WDR3: variants seen among roughly 807,000 people sequenced by gnomAD.
The protein encoded by WDR3 is WD repeat-containing protein 3.
WDR3 carries 81 observed loss-of-function variants against 123.7 expected under a neutral mutation model. The ratio of observed to expected loss-of-function variants is 0.65; its 90% CI spans 0.55 to 0.79. The LOEUF (loss-of-function observed/expected upper bound fraction) is 0.79, where lower values mean the gene tolerates loss of function less well. WDR3 is among the 30% of genes least tolerant of loss of function. The pLI is 0.00. For missense variants in WDR3, 1,027 were observed against 1,123.2 expected, an observed-to-expected ratio of 0.91 and a Z score of 1.22; for synonymous variants, 390 against 388.8, an observed-to-expected ratio of 1.00 and a Z score of -0.04.
At chr1:117,941,975 G>T (rs1651188035) in intron 9 of WDR3, 128 bp downstream of exon 9, 1 of 1,396,610 alleles carries the variant, frequency 7.2e-7, no homozygotes, top group East Asian at 2.7e-5. Context: ...GAACTTGTGA[G>T]GTATCGATAA....
At chr1:117,934,215 G>A (rs1284633812) in intron 2 of WDR3, among the ~76,000 whole-genome samples, 6 of 152,136 alleles carry the variant, frequency 3.9e-5, no homozygotes. Context: ...TATTGCCTAG[G>A]GAGTTTTTAT....
intron 14 of WDR3, 49 bp from the exon 15 acceptor site, chr1:117,949,946 T>C (rs747749552): frequency 6.2e-7 from 1 of 1,612,554 alleles, no homozygotes; most frequent in Admixed American, 1.7e-5. Flanking sequence ...AGGATTTGTC[T>C]GAATTTGTAT....
At chr1:117,957,327 A>AAAGTGCTGGGATTAC in intron 25 of WDR3, 131 bp downstream of exon 25, 2 of 1,200,970 alleles carry the variant, frequency 1.7e-6, no homozygotes, top group Non-Finnish European at 2.2e-6. Context: ...CCGTAATCCC[A>AAAGTGCTGGGATTAC]GCACTTTGGG....
In WDR3 at chr1:117,933,376, C is replaced by T. The variant is rs1650802363; in HGVS notation, c.57C>T (p.Ile19=). 1.9e-6 allele frequency: 3 copies of T among 1,613,998 alleles called. No homozygotes were observed. Among genetic ancestry groups the T allele is most frequent in the African/African-American group, 2.7e-5 (2 of 74,902 alleles). ...RYVASAVFGV[I]GSQKGNIVFV... ...TTGCTAGTGCGGTCTTTGGCGTTAT[C>T]GGCAGCCAAAAAGGTAATATTGTCT... Residue 19 remains isoleucine, a synonymous_variant, in exon 2 of 27, where the codon ATC becomes ATT. Transcript: ENST00000349139.
At position 117,943,414 on chromosome 1, in the gene WDR3, T is replaced by G; in HGVS notation, c.1116T>G (p.His372Gln). 1 of 1,614,028 alleles carries G rather than the reference T, an allele frequency of 6.2e-7. No homozygotes were observed. Among genetic ancestry groups the G allele is most frequent in the South Asian group, 1.1e-5 (1 of 91,038 alleles). ...SAKIKSFDLI[H>Q]SPHGELKAVF... ...TGTACAGGTCCTTTGACTTGATTCA[T>G]TCACCTCACGGAGAGTTAAAGGCTG... The change falls in exon 11 of 27, where the codon CAT becomes CAG. Residue 372 changes from histidine (H) to glutamine (Q), a missense_variant. Transcript: ENST00000349139.
At position 117,954,476 on chromosome 1, in the gene WDR3, T is replaced by C. The variant is rs575730940; in HGVS notation, c.2362-104T>C. 5 of 1,174,936 alleles carry C rather than the reference T, an allele frequency of 4.3e-6. No homozygotes were observed. In the South Asian group the frequency reaches 7.3e-5, roughly 17 times the overall value. The allele number at this position is 1,174,936 out of a possible 1,614,324, so 72.8% of individuals were successfully genotyped here. A position where few individuals can be genotyped will look rare whatever the true frequency, so the allele number is the denominator to read the frequency against. On this transcript the variant is annotated intron_variant, in intron 22 of 26. Coordinates refer to ENST00000349139, the MANE Select transcript of WDR3 (RefSeq NM_006784.3). ...CTCTGTCAGTTTTTTAGGGTCTCTT[T>C]TTTCCCTTTTCAAAATTATAAAATA...
rs766885188 is a variant in WDR3 at position 117,940,864 on chromosome 1, A to G, written c.713A>G (p.Lys238Arg). ...GAAGAACCAGACCCCAAGAAAATCA[A>G]AGGATCTTCTCCTGGAATACAAGAT... The part of the protein sequence containing the change: ...DPEEPDPKKI[K>R]GSSPGIQDTL... The change falls in exon 7 of 27, where the codon AAA (lysine) becomes AGA (arginine). Residue 238 changes from lysine (K) to arginine (R), a missense_variant. Coordinates refer to ENST00000349139, the MANE Select transcript of WDR3 (RefSeq NM_006784.3). The G allele has an allele frequency of 1.2e-6, 2 of 1,613,886 alleles. No homozygotes were observed. The highest frequency in any genetic ancestry group is 2.2e-5 in the South Asian group (2 of 90,968).
intron 13 of WDR3, among the ~76,000 whole-genome samples, chr1:117,949,495 G>C (rs1651522121): frequency 6.6e-6 from 1 of 151,992 alleles, no homozygotes; most frequent in African/African-American, 2.4e-5. Flanking sequence ...TCTTCTTGAT[G>C]CTAGATAATA....
Position 117,948,474 on chromosome 1 carries a change from G to A in WDR3, c.1492G>A (p.Ala498Thr), listed in dbSNP as rs922023714. ...GGAGACAATAGATGCACATGATGGA[G>A]CTTTGTGGTCCATGTCCCTCTCTCC... ...LLETIDAHDGALWSMSLSPDQ... is the reference protein window; with the variant it reads ...LLETIDAHDGTLWSMSLSPDQ... Residue 498 changes from alanine to threonine, a missense_variant, in exon 13 of 27, where the codon GCT (alanine) becomes ACT (threonine). Coordinates refer to ENST00000349139, the MANE Select transcript of WDR3 (RefSeq NM_006784.3). 3.1e-6 allele frequency: 5 copies of A among 1,613,794 alleles called. No homozygotes were observed. In the African/African-American group the frequency reaches 6.7e-5, roughly 22 times the overall value.
chr1:117,955,362 A>G lies in WDR3; in HGVS notation c.2453+4A>G. ...TTTTTAAAGGGATCAAGTCGAGGTG[A>G]GTGAGTCCTTGCGCACAATTTTTGT... is the stretch of plus-strand genomic sequence containing the variant. On this transcript the variant is annotated splice_donor_region_variant and intron_variant, in intron 24 of 26. Transcript: ENST00000349139. 6.2e-7 allele frequency: 1 copy of G among 1,612,196 alleles called. No homozygotes were observed. The highest frequency in any genetic ancestry group is 2.2e-5 in the East Asian group (1 of 44,826).
intron 13 of WDR3, 68 bp from the exon 14 acceptor site, chr1:117,949,683 A>G: frequency 6.5e-7 from 1 of 1,530,740 alleles, no homozygotes; most frequent in Non-Finnish European, 8.9e-7. Context: ...TAGACTTTTA[A>G]AATGTATCTT....
At position 117,952,067 on chromosome 1, in the gene WDR3, A is replaced by C; in HGVS notation, c.1895A>C (p.His632Pro). ...GACTGCCACAAGTCTCTCTTTGCAC[A>C]TGATGACAGGTATGTATAGTCTTTT... is the stretch of plus-strand genomic sequence containing the variant. Reference protein sequence around the residue: ...FGDCHKSLFAHDDSVMYLQFV... With the variant: ...FGDCHKSLFAPDDSVMYLQFV... The change falls in exon 17 of 27, where the codon CAT (histidine) becomes CCT (proline). Residue 632 changes from histidine (H) to proline (P), a missense_variant. Coordinates refer to ENST00000349139, the MANE Select transcript of WDR3 (RefSeq NM_006784.3). The C allele has an allele frequency of 6.2e-7, 1 of 1,613,214 alleles. No homozygotes were observed. Among genetic ancestry groups the C allele is most frequent in the Non-Finnish European group, 8.5e-7 (1 of 1,179,366 alleles).
At chr1:117,953,402 A>G (rs1651729463) in intron 20 of WDR3, 74 bp from the exon 21 acceptor site, 2 of 1,406,710 alleles carry the variant, frequency 1.4e-6, no homozygotes, top group South Asian at 1.2e-5. Flanking sequence ...TCTCATATGG[A>G]TGTAAGATTA....
chr1:117,955,258 A>G, intron 23 of WDR3, 57 bp from the exon 24 acceptor site: 4 of 1,454,586 alleles, frequency 2.7e-6, no homozygotes, highest in Non-Finnish European at 3.8e-6. Context: ...GAAATTAGAG[A>G]ACTTTAGTAG....
rs768661103 is a variant in WDR3 at position 117,952,070 on chromosome 1, A to C, written c.1898A>C (p.Asp633Ala). ...GDCHKSLFAH[D>A]DSVMYLQFVP... ...TGCCACAAGTCTCTCTTTGCACATG[A>C]TGACAGGTATGTATAGTCTTTTCAA... The change falls in exon 17 of 27, where the codon GAT becomes GCT. Residue 633 changes from aspartate to alanine, a missense_variant. By Grantham distance (126) the Asp-to-Ala change is moderately radical (BLOSUM62 -2). Coordinates refer to ENST00000349139, the MANE Select transcript of WDR3 (RefSeq NM_006784.3). The C allele has an allele frequency of 5.6e-6, 9 of 1,613,082 alleles. No homozygotes were observed. The South Asian group carries it at 8.8e-5, about 16-fold the overall frequency.
chr1:117,954,693 A>C, intron 23 of WDR3, 66 bp downstream of exon 23: 1 of 1,498,226 alleles, frequency 6.7e-7, no homozygotes, highest in Non-Finnish European at 9.2e-7. Flanking sequence ...CAAGAAAGGA[A>C]GTAGAGGCAT....
At position 117,964,059 on chromosome 1, in the gene WDR3, T is replaced by G. The variant is rs1653476428; in HGVS notation, c.*4612T>G. On this transcript the variant is annotated 3_prime_UTR_variant, in exon 27 of 27. Coordinates refer to ENST00000349139, the MANE Select transcript of WDR3 (RefSeq NM_006784.3). ...CAACATCAGTTCAATTTTAGGTAACTGTCTATCCAATGCAAATTCTGCATG... is the reference window on the plus strand; with the variant it reads ...CAACATCAGTTCAATTTTAGGTAACGGTCTATCCAATGCAAATTCTGCATG... The G allele has an allele frequency of 8.7e-7, 1 of 1,150,700 alleles. No homozygotes were observed. Among genetic ancestry groups the G allele is most frequent in the Admixed American group, 2.3e-5 (1 of 43,924 alleles). 71.3% of individuals were successfully genotyped at this position (1,150,700 alleles called of 1,614,324 possible).
rs757770150 is a variant in WDR3, at chr1:117,946,120, G to A, written c.1363G>A (p.Glu455Lys). The change falls in exon 12 of 27, where the codon GAA becomes AAA. Residue 455 changes from glutamate to lysine, a missense_variant. By Grantham distance (56) the Glu-to-Lys change is moderately conservative. Transcript: ENST00000349139. ...TLQCIRTMTC[E>K]YALCSFFVPG... ...GCAGTGTATTCGCACAATGACCTGTGAATATGCACTTTGCTCATTCTTTGT... is the reference window on the plus strand; with the variant it reads ...GCAGTGTATTCGCACAATGACCTGTAAATATGCACTTTGCTCATTCTTTGT... 6.2e-7 allele frequency: 1 copy of A among 1,613,132 alleles called. No homozygotes were observed. Among genetic ancestry groups the A allele is most frequent in the South Asian group, 1.1e-5 (1 of 90,956 alleles).
In WDR3 at chr1:117,949,935, T is replaced by C. The variant is rs550171806; in HGVS notation, c.1611-60T>C. 1.4e-5 allele frequency: 22 copies of C among 1,611,956 alleles called. No individual in the cohort carries two copies. The East Asian group carries it at 3.1e-4, about 23-fold the overall frequency. ...TATCATTTGTTGTGCTCTAAAGAGTTAGGATTTGTCTGAATTTGTATACTC... is the reference window on the plus strand; with the variant it reads ...TATCATTTGTTGTGCTCTAAAGAGTCAGGATTTGTCTGAATTTGTATACTC... On this transcript the variant is annotated intron_variant, in intron 14 of 26. Transcript: ENST00000349139.
Sources: allele counts gnomAD v4.1 joint callset (sites outside exome capture counted in the v4.1 genomes callset), GRCh38; gene constraint gnomAD v4.1.1; transcripts MANE v1.5; gene names NCBI Gene and HGNC (gene_info 2026-07-23, HGNC 2026-07-21).